The following STON2 variants were observed in gnomAD, a reference collection of about 807,000 sequenced individuals.
STON2 encodes stonin 2, also known as stonin-2.
In STON2, 29 loss-of-function variants were observed where a neutral mutation model predicts 65.7. The observed-to-expected ratio is 0.44, with a 90% CI of 0.33 to 0.60. The LOEUF is 0.60. Ranked by LOEUF, STON2 falls within the 20% of genes least tolerant of loss-of-function variation. The pLI is 0.03. For missense variants in STON2, 1,054 were observed against 1,118.1 expected (o/e 0.94, Z 0.82); for synonymous variants, 404 against 414.2 (o/e 0.98, Z 0.30).
In STON2 at chr14:81,267,336, A is replaced by G. The variant is rs1002765679; in HGVS notation, c.*1078T>C. ...ACCCTAGAGATGCCTTTTCAATCCA[A>G]TCCAATACTGTGATTATCAAACTCT... On this transcript the variant is annotated 3_prime_UTR_variant, in exon 8 of 8. Transcript: ENST00000614646. The G allele has an allele frequency of 6.1e-6, 6 of 985,210 alleles. No individual in the cohort carries two copies. The African/African-American group carries it at 1.0e-4, about 17-fold the overall frequency. 61.0% of individuals were successfully genotyped at this position (985,210 alleles called of 1,614,324 possible).
intron 5 of STON2, among the ~76,000 whole-genome samples, chr14:81,295,902 G>C (rs1895743748): frequency 6.6e-6 from 1 of 152,184 alleles, no homozygotes; most frequent in Admixed American, 6.5e-5. Flanking sequence ...AAATCCTGCT[G>C]CTACCCCAGA....
intron 4 of STON2, among the ~76,000 whole-genome samples, chr14:81,347,228 CA>C (rs1897843159): frequency 6.6e-6 from 1 of 151,350 alleles, no homozygotes; most frequent in Non-Finnish European, 1.5e-5. Context: ...AAATCTGAAA[CA>C]AAAAAAGGAT....
intron 1 of STON2, among the ~76,000 whole-genome samples, chr14:81,430,620 T>C (rs1304197890): frequency 2.0e-5 from 3 of 152,180 alleles, no homozygotes; most frequent in Non-Finnish European, 4.4e-5. Context: ...GCCCTACTAT[T>C]ATGTATCTAT....
intron 3 of STON2, chr14:81,395,118 C>T (rs1318318906): frequency 6.6e-6 from 1 of 152,232 alleles, no homozygotes; most frequent in East Asian, 1.9e-4. Context: ...TTCTCATGAA[C>T]AACCATCCCT....
intron 3 of STON2, among the ~76,000 whole-genome samples, chr14:81,382,571 G>C (rs1369416188): frequency 1.3e-5 from 2 of 152,164 alleles, no homozygotes; most frequent in African/African-American, 4.8e-5. Context: ...TGTGATGAGG[G>C]AGGAGGGTGT....
upstream of STON2, among the ~76,000 whole-genome samples, chr14:81,400,478 C>CAAA (rs5810028): frequency 0.4 from 39,069 of 96,574 alleles, 8,942 homozygotes; most frequent in South Asian, 0.48. Flanking sequence ...CAGCACCCGT[C>CAAA]AAAAAAAAAA....
Position 81,278,131 on chromosome 14 carries a change from C to G in STON2, c.1351G>C (p.Asp451His), listed in dbSNP as rs201960264. 1 of 1,614,186 alleles carries G rather than the reference C, an allele frequency of 6.2e-7. No homozygotes were observed. Among genetic ancestry groups the G allele is most frequent in the African/African-American group, 1.3e-5 (1 of 75,032 alleles). The change falls in exon 6 of 8, where the codon GAT (aspartate) becomes CAT (histidine). Residue 451 changes from aspartate (D) to histidine (H), a missense_variant. Coordinates refer to ENST00000614646, the MANE Select transcript of STON2 (RefSeq NM_001394390.1). ...KLKQLQIDDPDHFGSATLPDD... is the reference protein window; with the variant it reads ...KLKQLQIDDPHHFGSATLPDD... ...GGTAGAGTTGCACTGCCAAAGTGAT[C>G]AGGGTCATCAATTTGGAGTTGTTTG... is the stretch of plus-strand genomic sequence containing the variant.
At chr14:81,346,149 T>G (rs1897802199) in intron 4 of STON2, among the ~76,000 whole-genome samples, 1 of 152,234 alleles carries the variant, frequency 6.6e-6, no homozygotes, top group African/African-American at 2.4e-5. Flanking sequence ...TTCTCTCCTT[T>G]GAAGCAAATA....
At chr14:81,398,183 C>A in intron 2 of STON2, 112 bp downstream of exon 2, 2 of 680,070 alleles carry the variant, frequency 2.9e-6, no homozygotes, top group East Asian at 6.0e-5. Flanking sequence ...GAGAAACTGA[C>A]CCTTTTTTCT....
intron 6 of STON2, among the ~76,000 whole-genome samples, 160 bp from the exon 7 acceptor site, chr14:81,271,032 G>T (rs1595268489): frequency 6.6e-6 from 1 of 152,112 alleles, no homozygotes; most frequent in East Asian, 1.9e-4. Context: ...CGGCTCAGCA[G>T]AATTCACGCT....
chr14:81,283,658 G>A (rs1178748611), intron 5 of STON2, among the ~76,000 whole-genome samples: 2 of 151,846 alleles, frequency 1.3e-5, no homozygotes, highest in African/African-American at 2.4e-5. Flanking sequence ...AGCCTCCTGA[G>A]TAGCTGGGAC....
chr14:81,422,695 T>C (rs1207660822), intron 2 of STON2, among the ~76,000 whole-genome samples: 1 of 152,188 alleles, frequency 6.6e-6, no homozygotes, highest in Non-Finnish European at 1.5e-5. Context: ...TTCTGCAGCA[T>C]GGGCTTCAGT....
At chr14:81,428,245 G>GA in intron 1 of STON2, among the ~76,000 whole-genome samples, 1 of 152,170 alleles carries the variant, frequency 6.6e-6, no homozygotes, top group South Asian at 2.1e-4. Context: ...GAATGATTTA[G>GA]AAAAAAATGA....
intron 5 of STON2, among the ~76,000 whole-genome samples, chr14:81,285,822 A>T (rs1369255708): frequency 6.6e-6 from 1 of 152,118 alleles, no homozygotes; most frequent in East Asian, 1.9e-4. Context: ...ATGCCCATGT[A>T]ACAAACCTGC....
chr14:81,394,993 T>C (rs943260201), intron 3 of STON2: 4 of 152,208 alleles, frequency 2.6e-5, no homozygotes, highest in African/African-American at 9.7e-5. Context: ...GTGGCATACT[T>C]CAGTGCACAA....
intron 5 of STON2, among the ~76,000 whole-genome samples, chr14:81,307,103 C>T (rs1269621710): frequency 6.6e-6 from 1 of 152,188 alleles, no homozygotes; most frequent in East Asian, 1.9e-4. Flanking sequence ...AGTGATCACT[C>T]CCTTAGATCC....
chr14:81,406,569 C>T (rs1354441292), intron 2 of STON2, among the ~76,000 whole-genome samples: 1 of 152,192 alleles, frequency 6.6e-6, no homozygotes, highest in Non-Finnish European at 1.5e-5. Context: ...ATAATAACTA[C>T]TGGCCCTTTA....
At chr14:81,346,929 G>A (rs1897830776) in intron 4 of STON2, among the ~76,000 whole-genome samples, 1 of 151,954 alleles carries the variant, frequency 6.6e-6, no homozygotes, top group Non-Finnish European at 1.5e-5. Context: ...AGGGCTAAGA[G>A]GGAAACAATA....
At chr14:81,270,607 G>T in intron 7 of STON2, 63 bp downstream of exon 7, 1 of 1,613,932 alleles carries the variant, frequency 6.2e-7, no homozygotes, top group Non-Finnish European at 8.5e-7. Flanking sequence ...GGAATAAGAG[G>T]GGGAGGGTAG....
Sources: gnomAD v4.1 joint callset for allele counts (sites outside exome capture counted in the v4.1 genomes callset) on GRCh38, gnomAD v4.1.1 for gene constraint, MANE v1.5 for transcripts, NCBI Gene and HGNC (gene_info 2026-07-23, HGNC 2026-07-21) for gene names.